Variants in WDR72 observed in about 807,000 individuals in gnomAD.
WDR72 encodes WD repeat domain 72, also known as WD repeat-containing protein 72.
WDR72 carries 120 observed loss-of-function variants against 124.2 expected under a neutral mutation model. The observed-to-expected ratio is 0.97, with a 90% CI of 0.83 to 1.12. WDR72 has a LOEUF of 1.12. Ranked by LOEUF, WDR72 falls within the 50% of genes most tolerant of loss-of-function variation. The pLI is 0.00. For synonymous variants in WDR72, 452 were observed against 441.7 expected, an observed-to-expected ratio of 1.02 and a Z score of -0.29; for missense variants, 1,387 against 1,278.8, an observed-to-expected ratio of 1.08 and a Z score of -1.29.
At chr15:53,554,042 G>A (rs1893834798) in intron 18 of WDR72, among the ~76,000 whole-genome samples, 1 of 151,988 alleles carries the variant, frequency 6.6e-6, no homozygotes, top group Middle Eastern at 3.4e-3. Context: ...TGACACTTTT[G>A]CTTAATAACA....
intron 14 of WDR72, among the ~76,000 whole-genome samples, chr15:53,633,925 C>A (rs1262367665): frequency 6.6e-6 from 1 of 152,048 alleles, no homozygotes; most frequent in African/African-American, 2.4e-5. Context: ...AATATACATT[C>A]TTTATGGCAT....
intron 10 of WDR72, 110 bp from the exon 11 acceptor site, chr15:53,705,343 A>G: frequency 1.0e-6 from 1 of 981,158 alleles, no homozygotes; most frequent in Non-Finnish European, 1.6e-6. Flanking sequence ...GTTACAGCCT[A>G]TCCCAGATTC....
intron 14 of WDR72, among the ~76,000 whole-genome samples, chr15:53,645,409 T>G (rs1250820265): frequency 6.6e-6 from 1 of 152,188 alleles, no homozygotes. Context: ...ATGGACAAAC[T>G]GCTCATTTCT....
At chr15:53,605,423 G>A (rs2140352507) in intron 17 of WDR72, among the ~76,000 whole-genome samples, 1 of 152,176 alleles carries the variant, frequency 6.6e-6, no homozygotes, top group East Asian at 1.9e-4. Flanking sequence ...GAAATAATCT[G>A]TACTGCAAAC....
chr15:53,591,571 C>T lies in WDR72; in HGVS notation c.3148+5508G>A, dbSNP rs564761018. On this transcript the variant is annotated intron_variant, in intron 18 of 19. Coordinates refer to ENST00000360509, the MANE Select transcript of WDR72 (RefSeq NM_182758.4). ...ATATATGTATGTTTGCTTATAAATGCTTGTACACGCTATTAGCATATCAAC... is the reference window on the plus strand; with the variant it reads ...ATATATGTATGTTTGCTTATAAATGTTTGTACACGCTATTAGCATATCAAC... Among the ~76,000 whole-genome samples, 6 of 152,060 alleles carry T rather than the reference C, an allele frequency of 3.9e-5. No homozygotes were observed. In the South Asian group the frequency reaches 1.0e-3, roughly 26 times the overall value.
chr15:53,652,512 T>A (rs2015277679), intron 14 of WDR72, among the ~76,000 whole-genome samples: 1 of 152,124 alleles, frequency 6.6e-6, no homozygotes, highest in Admixed American at 6.6e-5. Context: ...GAAACATAAA[T>A]CAGCCCTCTT....
chr15:53,589,795 T>G (rs985915440), intron 18 of WDR72, among the ~76,000 whole-genome samples: 6 of 152,050 alleles, frequency 3.9e-5, no homozygotes, highest in African/African-American at 1.4e-4. Context: ...GTTTTTCATA[T>G]GCCAAGATGA....
chr15:53,599,546 G>C (rs1420280167), intron 17 of WDR72, among the ~76,000 whole-genome samples: 1 of 152,098 alleles, frequency 6.6e-6, no homozygotes, highest in Non-Finnish European at 1.5e-5. Flanking sequence ...CATGGAAATT[G>C]CTCTTTCTAT....
intron 18 of WDR72, among the ~76,000 whole-genome samples, chr15:53,530,279 G>A (rs1011079088): frequency 1.3e-5 from 2 of 151,630 alleles, no homozygotes; most frequent in African/African-American, 2.4e-5. Flanking sequence ...GGTCATATCA[G>A]TAAGCTGAAT....
intron 14 of WDR72, among the ~76,000 whole-genome samples, chr15:53,620,679 T>C (rs1022312776): frequency 1.3e-5 from 2 of 152,058 alleles, no homozygotes; most frequent in Non-Finnish European, 2.9e-5. Context: ...ATCTCAGACC[T>C]GAAAATATAA....
intron 14 of WDR72, among the ~76,000 whole-genome samples, chr15:53,625,563 T>C (rs552591874): frequency 1.3e-5 from 2 of 151,894 alleles, no homozygotes; most frequent in African/African-American, 4.8e-5. Flanking sequence ...AGGTGGGGAG[T>C]AGGCAAAGGC....
intron 18 of WDR72, among the ~76,000 whole-genome samples, chr15:53,552,541 A>G (rs759284911): frequency 6.6e-6 from 1 of 152,148 alleles, no homozygotes; most frequent in Non-Finnish European, 1.5e-5. Flanking sequence ...TTTATAGTTA[A>G]TTTTATAGTA....
chr15:53,661,872 G>A (rs1034272693), intron 14 of WDR72, among the ~76,000 whole-genome samples: 1 of 152,030 alleles, frequency 6.6e-6, no homozygotes, highest in African/African-American at 2.4e-5. Flanking sequence ...AGCTGCTGGG[G>A]GACCTATTCT....
At chr15:53,714,330 T>C in intron 6 of WDR72, 104 bp downstream of exon 6, 1 of 920,576 alleles carries the variant, frequency 1.1e-6, no homozygotes, top group South Asian at 1.4e-5. Context: ...ACTTCTATGT[T>C]ATTTGAACTT....
intron 10 of WDR72, among the ~76,000 whole-genome samples, 168 bp downstream of exon 10, chr15:53,705,759 C>T (rs1054981368): frequency 6.6e-6 from 1 of 152,150 alleles, no homozygotes; most frequent in African/African-American, 2.4e-5. Flanking sequence ...CACTGTGCCC[C>T]GCCTAAGCTT....
intron 13 of WDR72, among the ~76,000 whole-genome samples, chr15:53,689,393 A>T (rs573769400): frequency 0.028 from 4,096 of 146,738 alleles, 228 homozygotes; most frequent in African/African-American, 0.11. Flanking sequence ...ACCCCATCAA[A>T]AAGTGGGCAA....
intron 14 of WDR72, among the ~76,000 whole-genome samples, chr15:53,650,358 A>G (rs765444473): frequency 2.0e-5 from 3 of 152,318 alleles, no homozygotes; most frequent in East Asian, 3.9e-4. Flanking sequence ...ACAACACTGT[A>G]CCTAGAGTCA....
intron 13 of WDR72, among the ~76,000 whole-genome samples, chr15:53,696,700 G>C (rs1465744829): frequency 6.6e-6 from 1 of 152,204 alleles, no homozygotes; most frequent in African/African-American, 2.4e-5. Flanking sequence ...CAGTAAACAT[G>C]ATGGAAGCAT....
At chr15:53,636,128 A>G (rs2014614304) in intron 14 of WDR72, among the ~76,000 whole-genome samples, 1 of 152,192 alleles carries the variant, frequency 6.6e-6, no homozygotes, top group Non-Finnish European at 1.5e-5. Context: ...AATTTTAATT[A>G]AAGTCTCAAA....
Sources: gnomAD v4.1 joint callset for allele counts (sites outside exome capture counted in the v4.1 genomes callset) on GRCh38, gnomAD v4.1.1 for gene constraint, MANE v1.5 for transcripts, NCBI Gene and HGNC (gene_info 2026-07-23, HGNC 2026-07-21) for gene names.